JARID2: variants seen among roughly 807,000 people sequenced by gnomAD.
The protein encoded by JARID2 is protein Jumonji.
Under a neutral mutation model 125.6 loss-of-function variants are expected in JARID2, and 21 were observed. That is an observed-to-expected ratio of 0.17 (90% CI 0.12 to 0.24). JARID2 has a LOEUF of 0.24. Among genes scored for constraint, JARID2 ranks in the 10% least tolerant of loss-of-function variants. JARID2 has a pLI of 1.00. For synonymous variants in JARID2, 736 were observed against 661.6 expected, an observed-to-expected ratio of 1.11 and a Z score of -1.73; for missense variants, 1,303 against 1,639.6, an observed-to-expected ratio of 0.79 and a Z score of 3.55.
At chr6:15,262,498 C>A (rs1759920271) in intron 1 of JARID2, among the ~76,000 whole-genome samples, 1 of 149,042 alleles carries the variant, frequency 6.7e-6, no homozygotes, top group Non-Finnish European at 1.5e-5. Context: ...CAGTCATCAG[C>A]TGATGGACAT....
chr6:15,401,100 T>C, intron 2 of JARID2: 1 of 1,288,430 alleles, frequency 7.8e-7, no homozygotes, highest in Non-Finnish European at 1.0e-6. Context: ...GAAATAGGCC[T>C]TTGTGGGTTT....
chr6:15,346,130 G>A (rs190550445), intron 1 of JARID2, among the ~76,000 whole-genome samples: 4 of 152,152 alleles, frequency 2.6e-5, no homozygotes, highest in East Asian at 1.9e-4. Flanking sequence ...AGTTAAATGC[G>A]CATTAAAGCA....
chr6:15,270,940 C>CA lies in JARID2; in HGVS notation c.45+24367dup, dbSNP rs796496821. On this transcript the variant is annotated intron_variant, in intron 1 of 17. Coordinates refer to ENST00000341776, the MANE Select transcript of JARID2 (RefSeq NM_004973.4). ...TGGGCAACAGAGCAAGGCTCCCTCT[C>CA]AAAAAAAAAAAGGAGAGAAAAGAAA... Among the ~76,000 whole-genome samples the CA allele has an allele frequency of 5.9e-3, 828 of 140,960 alleles. 7 individuals carry two copies. The highest frequency in any genetic ancestry group is 0.018 in the African/African-American group (684 of 38,418). The allele number at this position is 140,960 out of a possible 152,430, so 92.5% of individuals were successfully genotyped here. A position where few individuals can be genotyped will look rare whatever the true frequency, so the allele number is the denominator to read the frequency against.
At chr6:15,510,715 A>G (rs1771236793) in intron 12 of JARID2, among the ~76,000 whole-genome samples, 1 of 152,070 alleles carries the variant, frequency 6.6e-6, no homozygotes, top group Non-Finnish European at 1.5e-5. Flanking sequence ...CTATCCCCTG[A>G]CCCCTACTTC....
At position 15,320,850 on chromosome 6, in the gene JARID2, C is replaced by CTG. The variant is rs71535033; in HGVS notation, c.46-53266_46-53265insGT. ...AGAATATGATTCATTCTCTCTCTCTCTCTGTGTGTGTGTGTGTGTGTGTGT... is the reference window on the plus strand; with the variant it reads ...AGAATATGATTCATTCTCTCTCTCTCTGTCTGTGTGTGTGTGTGTGTGTGTGT... On this transcript the variant is annotated intron_variant, in intron 1 of 17. Transcript: ENST00000341776. Among the ~76,000 whole-genome samples, 1,288 of 135,074 alleles carry CTG rather than the reference C, an allele frequency of 9.5e-3. 2 individuals carry two copies. Among genetic ancestry groups the CTG allele is most frequent in the Middle Eastern group, 0.022 (6 of 276 alleles). The allele number at this position is 135,074 out of a possible 152,430, so 88.6% of individuals were successfully genotyped here. A position where few individuals can be genotyped will look rare whatever the true frequency, so the allele number is the denominator to read the frequency against.
At chr6:15,426,977 A>T (rs1357043179) in intron 3 of JARID2, among the ~76,000 whole-genome samples, 1 of 152,172 alleles carries the variant, frequency 6.6e-6, no homozygotes, top group East Asian at 1.9e-4. Context: ...ACTTTGCAGG[A>T]ATGTAAAGGA....
At position 15,414,574 on chromosome 6, in the gene JARID2, C is replaced by G. The variant is rs538469790; in HGVS notation, c.323+4209C>G. 5.3e-5 allele frequency among the ~76,000 whole-genome samples: 8 copies of G among 152,210 alleles called. No individual in the cohort carries two copies. The South Asian group carries it at 1.0e-3, about 20-fold the overall frequency. On this transcript the variant is annotated intron_variant, in intron 3 of 17. Transcript: ENST00000341776. ...TATTTTTACCTAGCCATTGAAAGGT[C>G]ATCTGAGATGCCTCTTTACAAAAGG... is the stretch of plus-strand genomic sequence containing the variant.
At chr6:15,283,003 G>A (rs1320095529) in intron 1 of JARID2, among the ~76,000 whole-genome samples, 3 of 151,116 alleles carry the variant, frequency 2.0e-5, no homozygotes, top group Non-Finnish European at 4.4e-5. Context: ...TTTTGAGACG[G>A]AGTCTCACTC....
intron 4 of JARID2, among the ~76,000 whole-genome samples, chr6:15,458,470 C>G (rs780103397): frequency 8.5e-5 from 13 of 152,138 alleles, no homozygotes; most frequent in Non-Finnish European, 7.3e-5. Flanking sequence ...GCAATGCTGT[C>G]TTGTTTTGGA....
intron 1 of JARID2, among the ~76,000 whole-genome samples, chr6:15,323,025 TC>T (rs1762410386): frequency 6.6e-6 from 1 of 152,238 alleles, no homozygotes; most frequent in Admixed American, 6.5e-5. Flanking sequence ...GCAGGCTCAT[TC>T]TAGCAAATGC....
Position 15,520,721 on chromosome 6 carries a change from C to T in JARID2, c.*470C>T. The T allele has an allele frequency of 6.6e-6, 3 of 454,996 alleles. No homozygotes were observed. Among genetic ancestry groups the T allele is most frequent in the Non-Finnish European group, 1.3e-5 (3 of 226,134 alleles). The allele number at this position is 454,996 out of a possible 1,614,324, so 28.2% of individuals were successfully genotyped here. A position where few individuals can be genotyped will look rare whatever the true frequency, so the allele number is the denominator to read the frequency against. ...CACACACACACGAAACTTGAAATGG[C>T]TTTGCTTTGGCTGTCGTCTTCTGCC... On this transcript the variant is annotated 3_prime_UTR_variant, in exon 18 of 18. Transcript: ENST00000341776.
Position 15,398,708 on chromosome 6 carries a change from G to C in JARID2, c.182-11516G>C, listed in dbSNP as rs145285711. ...CTTATTTCTTAAAATTTAAATACCC[G>C]TTTCTCTTTAATTGACTAGAATAGG... On this transcript the variant is annotated intron_variant, in intron 2 of 17. Transcript: ENST00000341776. Among the ~76,000 whole-genome samples the C allele has an allele frequency of 3.3e-5, 5 of 152,276 alleles. No homozygotes were observed. In the East Asian group the frequency reaches 9.6e-4, roughly 29 times the overall value.
At chr6:15,333,714 A>G (rs1762791553) in intron 1 of JARID2, among the ~76,000 whole-genome samples, 1 of 152,226 alleles carries the variant, frequency 6.6e-6, no homozygotes, top group African/African-American at 2.4e-5. Context: ...ATTACATTGT[A>G]TGAACACTGC....
At chr6:15,282,548 C>T (rs975484856) in intron 1 of JARID2, among the ~76,000 whole-genome samples, 4 of 151,776 alleles carry the variant, frequency 2.6e-5, no homozygotes, top group Admixed American at 2.0e-4. Flanking sequence ...CTTTCTCTCT[C>T]TGTCTTTGTC....
intron 1 of JARID2, among the ~76,000 whole-genome samples, chr6:15,337,844 TACAA>T (rs1320470827): frequency 6.6e-6 from 1 of 152,144 alleles, no homozygotes; most frequent in Admixed American, 6.5e-5. Context: ...TCTACACAGA[TACAA>T]ACAGCCTCTA....
At chr6:15,460,580 G>T (rs146955181) in intron 4 of JARID2, among the ~76,000 whole-genome samples, 52 of 152,324 alleles carry the variant, frequency 3.4e-4, no homozygotes, top group Non-Finnish European at 1.6e-4. Context: ...TCTGTGTCCC[G>T]CAGGGAAGTT....
intron 1 of JARID2, among the ~76,000 whole-genome samples, chr6:15,291,351 A>G (rs914937789): frequency 1.3e-5 from 2 of 152,226 alleles, no homozygotes; most frequent in African/African-American, 4.8e-5. Context: ...TCCTGAAGTT[A>G]TGGACCTAAC....
rs538305554 is a variant in JARID2 at position 15,338,777 on chromosome 6, A to G, written c.46-35340A>G. On this transcript the variant is annotated intron_variant, in intron 1 of 17. Coordinates refer to ENST00000341776, the MANE Select transcript of JARID2 (RefSeq NM_004973.4). ...GGCCCAGTCTCACTCTTTCCCTTCC[A>G]GCAGATGCCCTTTGAATTTGGGCCC... is the stretch of plus-strand genomic sequence containing the variant. Among the ~76,000 whole-genome samples the G allele has an allele frequency of 2.0e-5, 3 of 152,286 alleles. No homozygotes were observed. The South Asian group carries it at 6.2e-4, about 32-fold the overall frequency.
intron 6 of JARID2, among the ~76,000 whole-genome samples, chr6:15,490,591 C>T: frequency 6.6e-6 from 1 of 152,206 alleles, no homozygotes; most frequent in East Asian, 1.9e-4. Context: ...CTGTCTTTGT[C>T]ATGGAATGCA....
Sources: gnomAD v4.1 joint callset for allele counts (sites outside exome capture counted in the v4.1 genomes callset) on GRCh38, gnomAD v4.1.1 for gene constraint, MANE v1.5 for transcripts, NCBI Gene and HGNC (gene_info 2026-07-23, HGNC 2026-07-21) for gene names.